Variants in ZNF91 observed in about 807,000 individuals in gnomAD.
ZNF91 encodes zinc finger protein 91 (HPF7, HTF10).
Under a neutral mutation model 12.6 loss-of-function variants are expected in ZNF91, and 7 were observed. That is an observed-to-expected ratio of 0.55 (90% CI 0.31 to 1.04). The LOEUF is 1.04. ZNF91 is among the 50% of genes least tolerant of loss of function. ZNF91 has a pLI of 0.05. For missense variants in ZNF91, 1,217 were observed against 1,385.4 expected, an observed-to-expected ratio of 0.88 and a Z score of 1.93; for synonymous variants, 453 against 462.6, an observed-to-expected ratio of 0.98 and a Z score of 0.27.
rs867268354 is a variant in ZNF91 at position 23,384,857 on chromosome 19, C to T, written c.31-10093G>A. Reference sequence around the variant, plus strand: ...GTGGTCAAAAATACCATCTCCCTCACGATCACTGGAGGGTCCCAAGCTCTC... The same window carrying T: ...GTGGTCAAAAATACCATCTCCCTCATGATCACTGGAGGGTCCCAAGCTCTC... On this transcript the variant is annotated intron_variant, in intron 1 of 3. Coordinates refer to ENST00000300619, the MANE Select transcript of ZNF91 (RefSeq NM_003430.4). 23 of 736,100 alleles carry T rather than the reference C, an allele frequency of 3.1e-5. No homozygotes were observed. The Middle Eastern group carries it at 1.7e-3, about 54-fold the overall frequency. The allele number at this position is 736,100 out of a possible 1,614,324, so 45.6% of individuals were successfully genotyped here. A position where few individuals can be genotyped will look rare whatever the true frequency, so the allele number is the denominator to read the frequency against.
intron 1 of ZNF91, among the ~76,000 whole-genome samples, chr19:23,388,772 G>A (rs1969962242): frequency 6.6e-6 from 1 of 152,140 alleles, no homozygotes; most frequent in African/African-American, 2.4e-5. Context: ...TACTTGGGAG[G>A]CTGGGGATGG....
At chr19:23,336,461 A>G (rs964229473), downstream of ZNF91, among the ~76,000 whole-genome samples, 30 of 152,212 alleles carry the variant, frequency 2.0e-4, no homozygotes, top group Non-Finnish European at 1.9e-4. Context: ...CTAATCTTCA[A>G]TTATGCAAAT....
intron 3 of ZNF91, among the ~76,000 whole-genome samples, chr19:23,350,821 A>T (rs1203116616): frequency 6.6e-6 from 1 of 152,054 alleles, no homozygotes; most frequent in Non-Finnish European, 1.5e-5. Flanking sequence ...AGACTGGGAC[A>T]CTTCCTTTTT....
At chr19:23,340,320 TAAAC>T (rs1968095345) in intron 3 of ZNF91, among the ~76,000 whole-genome samples, 1 of 151,976 alleles carries the variant, frequency 6.6e-6, no homozygotes, top group African/African-American at 2.4e-5. Context: ...GAAATCTAAA[TAAAC>T]AAATCAGATA....
At chr19:23,326,768 T>A (rs193069155) in intron 1 of ZNF91, 65 of 152,358 alleles carry the variant, frequency 4.3e-4, no homozygotes, top group African/African-American at 1.5e-3. Flanking sequence ...GGCACATCTG[T>A]CATGCAGTAG....
At chr19:23,312,999 C>G (rs1967496649), upstream of ZNF91, among the ~76,000 whole-genome samples, 1 of 152,210 alleles carries the variant, frequency 6.6e-6, no homozygotes, top group African/African-American at 2.4e-5. Flanking sequence ...ATTCAGCACA[C>G]CTGTGAAGCT....
Position 23,322,759 on chromosome 19 carries a change from C to T in ZNF91, n.117-13662G>A, listed in dbSNP as rs201575487. 2.4e-4 allele frequency among the ~76,000 whole-genome samples: 35 copies of T among 146,516 alleles called. No individual in the cohort carries two copies. The East Asian group carries it at 6.1e-3, about 25-fold the overall frequency. On this transcript the variant is annotated intron_variant and non_coding_transcript_variant, in intron 1 of 1. Transcript: ENST00000596528. ...CTTCCTCCCCATTCATGTTCTCCTG[C>T]TCCTTTTTCTTTCTCCCCTCTTCTT...
downstream of ZNF91, among the ~76,000 whole-genome samples, chr19:23,355,375 T>C (rs1008039625): frequency 2.0e-5 from 3 of 152,124 alleles, no homozygotes. Context: ...TTTCAACAAA[T>C]GGTTCTGGGA....
chr19:23,338,237 TGAAG>T (rs1398902419), downstream of ZNF91: 5 of 151,786 alleles, frequency 3.3e-5, no homozygotes, highest in East Asian at 3.9e-4. Flanking sequence ...AAAGTCAAAG[TGAAG>T]GAAGTAATTC....
downstream of ZNF91, among the ~76,000 whole-genome samples, chr19:23,355,756 G>A (rs929522825): frequency 4.0e-5 from 6 of 151,822 alleles, no homozygotes; most frequent in Non-Finnish European, 7.4e-5. Flanking sequence ...CTATACCTCC[G>A]ACAAAAGATT....
At position 23,360,423 on chromosome 19, in the gene ZNF91, T is replaced by G. The variant is rs753790968; in HGVS notation, c.2556A>C (p.Lys852Asn). 3.8e-5 allele frequency: 62 copies of G among 1,614,000 alleles called. No homozygotes were observed. The highest frequency in any genetic ancestry group is 5.3e-5 in the Non-Finnish European group (62 of 1,179,986). ...TGCCACATTCCTCACATTTGTAGAG[T>G]TTCTCTCCAGCATGTATTATTTTAT... is the stretch of plus-strand genomic sequence containing the variant. ...AKHKIIHAGE[K>N]LYKCEECGKA... is the part of the protein sequence containing the mutation. The change falls in exon 4 of 4, where the codon AAA becomes AAC. Residue 852 changes from lysine (K) to asparagine (N), a missense_variant. Lys to Asn is a moderately conservative substitution (Grantham distance 94, BLOSUM62 0). Coordinates refer to ENST00000300619, the MANE Select transcript of ZNF91 (RefSeq NM_003430.4).
chr19:23,352,221 G>A (rs74693342), intron 3 of ZNF91, among the ~76,000 whole-genome samples: 2,857 of 152,254 alleles, frequency 0.019, 75 homozygotes, highest in African/African-American at 0.065. Flanking sequence ...AGTGAGACCC[G>A]CTCTTTGGTT....
At chr19:23,323,745 CCTCTTTT>C (rs1398356938) in intron 1 of ZNF91, among the ~76,000 whole-genome samples, 8 of 106,022 alleles carry the variant, frequency 7.5e-5, no homozygotes, top group Admixed American at 3.2e-4. Flanking sequence ...ATTCTCCTCT[CCTCTTTT>C]TCTCATTCTT....
Position 23,361,876 on chromosome 19 carries a change from T to C in ZNF91, c.1103A>G (p.His368Arg), listed in dbSNP as rs1599725093. 1 of 1,613,302 alleles carries C rather than the reference T, an allele frequency of 6.2e-7. No individual in the cohort carries two copies. The highest frequency in any genetic ancestry group is 1.3e-5 in the African/African-American group (1 of 74,868). Residue 368 changes from histidine to arginine, a missense_variant, in exon 4 of 4, where the codon CAT becomes CGT. By Grantham distance (29) the His-to-Arg change is conservative. Coordinates refer to ENST00000300619, the MANE Select transcript of ZNF91 (RefSeq NM_003430.4). Reference sequence around the variant, plus strand: ...TTTCTCTTCAGTATGAGTTATCTTATGATTAGCAAGGGTTGAGGAATTGCT... The same window carrying C: ...TTTCTCTTCAGTATGAGTTATCTTACGATTAGCAAGGGTTGAGGAATTGCT... ...AFSNSSTLAN[H>R]KITHTEEKPY...
chr19:23,348,427 C>G (rs1568376277), intron 3 of ZNF91, among the ~76,000 whole-genome samples: 1 of 152,212 alleles, frequency 6.6e-6, no homozygotes, highest in Non-Finnish European at 1.5e-5. Context: ...AATCTCTGAA[C>G]ATAAATTGTG....
chr19:23,322,707 A>T (rs1599686926), intron 1 of ZNF91, among the ~76,000 whole-genome samples: 1 of 125,740 alleles, frequency 8.0e-6, no homozygotes, highest in Non-Finnish European at 1.7e-5. Context: ...TCTCCTCCTC[A>T]CTTTTCTCCT....
At chr19:23,326,016 A>G (rs1411408870) in intron 1 of ZNF91, 1 of 152,150 alleles carries the variant, frequency 6.6e-6, no homozygotes, top group Non-Finnish European at 1.5e-5. Flanking sequence ...TGTCTTCCAC[A>G]TCACTGCCAC....
chr19:23,306,103 A>C (rs532470475), intron 3 of ZNF91, among the ~76,000 whole-genome samples: 18 of 152,322 alleles, frequency 1.2e-4, no homozygotes, highest in Non-Finnish European at 2.9e-5. Context: ...TTCATACAGA[A>C]CAAAGATGTA....
At chr19:23,306,403 C>T (rs1384990721) in intron 3 of ZNF91, among the ~76,000 whole-genome samples, 2 of 152,202 alleles carry the variant, frequency 1.3e-5, no homozygotes, top group African/African-American at 4.8e-5. Context: ...TGGACTCAGC[C>T]CCTAGGTGAT....
Sources: allele counts gnomAD v4.1 joint callset (sites outside exome capture counted in the v4.1 genomes callset), GRCh38; gene constraint gnomAD v4.1.1; transcripts MANE v1.5; gene names NCBI Gene and HGNC (gene_info 2026-07-23, HGNC 2026-07-21).